CFAP99: variants seen among roughly 807,000 people sequenced by gnomAD.
The protein encoded by CFAP99 is cilia- and flagella-associated protein 99.
CFAP99 carries 84 observed loss-of-function variants against 82.7 expected under a neutral mutation model. The ratio of observed to expected loss-of-function variants is 1.02; its 90% CI spans 0.85 to 1.22. CFAP99 has a LOEUF of 1.22. CFAP99 is among the 50% of genes most tolerant of loss of function. CFAP99 has a pLI of 0.00. For missense variants in CFAP99, 1,059 were observed against 983.5 expected, an observed-to-expected ratio of 1.08 and a Z score of -1.03; for synonymous variants, 456 against 429.5, an observed-to-expected ratio of 1.06 and a Z score of -0.76.
rs1015676219 is a variant in CFAP99, at chr4:2,462,890, A to T, written c.2109A>T (p.Ser703=). 1 of 1,359,194 alleles carries T rather than the reference A, an allele frequency of 7.4e-7. No homozygotes were observed. Among genetic ancestry groups the T allele is most frequent in the Non-Finnish European group, 9.5e-7 (1 of 1,057,938 alleles). The allele number at this position is 1,359,194 out of a possible 1,614,324, so 84.2% of individuals were successfully genotyped here. ...TGCAGGCGCTGCAGCAGGGAGGCTCAGGACCCGGGCCCGCGCGCCGCCTGG... is the reference window on the plus strand; with the variant it reads ...TGCAGGCGCTGCAGCAGGGAGGCTCTGGACCCGGGCCCGCGCGCCGCCTGG... Residue 703 remains serine (S), a synonymous_variant, in exon 15 of 15, where the codon TCA becomes TCT. Coordinates refer to ENST00000635017, the Ensembl canonical transcript of CFAP99. The surrounding 1 kb of genome is among the most constrained non-coding windows in gnomAD (Gnocchi z 4.1).
exon 13 of CFAP99, chr4:2,459,197 C>T: frequency 6.5e-7 from 1 of 1,535,714 alleles, no homozygotes; most frequent in Non-Finnish European, 8.7e-7. Flanking sequence ...GAACTCATCT[C>T]CCAGCTGCGC....
exon 13 of CFAP99, chr4:2,459,230 G>C: frequency 2.0e-6 from 3 of 1,535,274 alleles, no homozygotes; most frequent in Non-Finnish European, 2.6e-6. Flanking sequence ...CAGCCCACGC[G>C]CAAGGGCAAG....
At position 2,433,061 on chromosome 4, in the gene CFAP99, G is replaced by A. The variant is rs186510019; in HGVS notation, c.112-3813G>A. Among the ~76,000 whole-genome samples, 384 of 151,328 alleles carry A rather than the reference G, an allele frequency of 2.5e-3. 1 individual carries two copies. Among genetic ancestry groups the A allele is most frequent in the African/African-American group, 7.7e-3 (320 of 41,400 alleles). Reference sequence around the variant, plus strand: ...GCCGCCAGCCCAGCATCAGTGGCAAGGACCTGGCCGTGGGCCCGGCCCAGC... The same window carrying A: ...GCCGCCAGCCCAGCATCAGTGGCAAAGACCTGGCCGTGGGCCCGGCCCAGC... On this transcript the variant is annotated intron_variant, in intron 2 of 14. Transcript: ENST00000635017.
At chr4:2,461,500 G>A (rs1352821569) in intron 14 of CFAP99, among the ~76,000 whole-genome samples, 1 of 152,178 alleles carries the variant, frequency 6.6e-6, no homozygotes, top group African/African-American at 2.4e-5. Flanking sequence ...GCTGTACAGG[G>A]CGGGCTGGCT....
intron 2 of CFAP99, among the ~76,000 whole-genome samples, chr4:2,430,053 A>G (rs1733768366): frequency 6.6e-6 from 1 of 152,030 alleles, no homozygotes; most frequent in African/African-American, 2.4e-5. Context: ...CCAGAAAATT[A>G]CGCAATACAT....
At chr4:2,429,781 CG>C (rs1187025655) in intron 2 of CFAP99, among the ~76,000 whole-genome samples, 1 of 152,064 alleles carries the variant, frequency 6.6e-6, no homozygotes, top group Non-Finnish European at 1.5e-5. Context: ...TTAGTAGAGA[CG>C]GGGTTTCACT....
chr4:2,436,053 A>G (rs956708881), intron 2 of CFAP99, among the ~76,000 whole-genome samples: 8 of 151,422 alleles, frequency 5.3e-5, no homozygotes, highest in Non-Finnish European at 8.8e-5. Flanking sequence ...AGCCTGGACG[A>G]CAGAGTGAGA....
intron 13 of CFAP99, 77 bp downstream of exon 13, chr4:2,459,335 G>T: frequency 6.9e-7 from 1 of 1,439,228 alleles, no homozygotes. Context: ...AGTTTCCAGG[G>T]TTCCCACCAG....
chr4:2,445,380 G>A (rs555979390), intron 6 of CFAP99, 72 bp downstream of exon 6: 20 of 1,225,584 alleles, frequency 1.6e-5, no homozygotes, highest in Non-Finnish European at 2.1e-5. Context: ...AGTGGACTGT[G>A]TGGGCCTGTG....
chr4:2,440,311 T>C (rs1178751702), intron 4 of CFAP99, among the ~76,000 whole-genome samples: 1 of 147,666 alleles, frequency 6.8e-6, no homozygotes, highest in Non-Finnish European at 1.5e-5. Flanking sequence ...TACGCCCGGC[T>C]AATTTTTTGT....
At position 2,447,502 on chromosome 4, in the gene CFAP99, T is replaced by C. The variant is rs141467959; in HGVS notation, c.643-2168T>C. On this transcript the variant is annotated intron_variant, in intron 6 of 14. Coordinates refer to ENST00000635017, the Ensembl canonical transcript of CFAP99. ...ATGGGTAAGTGAATGAATGGATGGG[T>C]GGGTAGATGGATGGATTAATGGATA... Among the ~76,000 whole-genome samples, 729 of 150,710 alleles carry C rather than the reference T, an allele frequency of 4.8e-3. 4 individuals are homozygous for C. The highest frequency in any genetic ancestry group is 0.031 in the Middle Eastern group (9 of 292).
Position 2,459,103 on chromosome 4 carries a change from C to T in CFAP99, c.1304-4C>T. On this transcript the variant is annotated splice_polypyrimidine_tract_variant and splice_region_variant and intron_variant, in intron 12 of 14. Coordinates refer to ENST00000635017, the Ensembl canonical transcript of CFAP99. ...CCACCTCAGCTCCTGGCTTGGCCCC[C>T]AAGTTCAGGAGGCGATCGAGGAGAG... 6.6e-7 allele frequency: 1 copy of T among 1,507,200 alleles called. No homozygotes were observed. The highest frequency in any genetic ancestry group is 8.8e-7 in the Non-Finnish European group (1 of 1,131,046). 93.4% of individuals were successfully genotyped at this position (1,507,200 alleles called of 1,614,324 possible).
chr4:2,429,597 T>TC (rs1733755999), intron 2 of CFAP99, among the ~76,000 whole-genome samples: 1 of 122,640 alleles, frequency 8.2e-6, no homozygotes, highest in African/African-American at 2.9e-5. Context: ...TTCTTTCTTT[T>TC]TTTTTTTTTT....
intron 2 of CFAP99, 84 bp from the exon 3 acceptor site, chr4:2,436,789 CT>C (rs762299321): frequency 1.7e-5 from 20 of 1,154,782 alleles, no homozygotes; most frequent in Middle Eastern, 2.7e-4. Context: ...CGCTCCACCC[CT>C]GCCTTTGCCC....
At chr4:2,452,220 G>A (rs1183649571) in exon 11 of CFAP99, 1 of 1,536,042 alleles carries the variant, frequency 6.5e-7, no homozygotes, top group Middle Eastern at 1.7e-4. Flanking sequence ...CGAAGGACCG[G>A]GAGGAGCAGC....
Position 2,448,668 on chromosome 4 carries a change from A to G in CFAP99, c.643-1002A>G, listed in dbSNP as rs931745481. ...CTGGGCAGGAGCAAGGTGCAGGCAAAGGCCCTGGGGCAGTGCCCACCCTCC... is the reference window on the plus strand; with the variant it reads ...CTGGGCAGGAGCAAGGTGCAGGCAAGGGCCCTGGGGCAGTGCCCACCCTCC... On this transcript the variant is annotated intron_variant, in intron 6 of 14. Coordinates refer to ENST00000635017, the Ensembl canonical transcript of CFAP99. The surrounding 1 kb of genome is among the most constrained non-coding windows in gnomAD (Gnocchi z 5.2). Among the ~76,000 whole-genome samples the G allele has an allele frequency of 6.6e-6, 1 of 152,232 alleles. No individual in the cohort carries two copies. Among genetic ancestry groups the G allele is most frequent in the African/African-American group, 2.4e-5 (1 of 41,462 alleles).
At chr4:2,454,581 C>CTTTTTTTTTTTTGTTTTTTTTTT (rs1459688913) in intron 11 of CFAP99, among the ~76,000 whole-genome samples, 2 of 94,716 alleles carry the variant, frequency 2.1e-5, no homozygotes, top group Non-Finnish European at 4.2e-5. Flanking sequence ...TGTTTTTTTT[C>CTTTTTTTTTTTTGTTTTTTTTTT]TTTTTTTTTT....
At chr4:2,459,552 C>T (rs530942906) in intron 13 of CFAP99, among the ~76,000 whole-genome samples, 14 of 152,272 alleles carry the variant, frequency 9.2e-5, no homozygotes, top group Admixed American at 6.5e-4. Context: ...TGAGGGAGGG[C>T]CAGGGTGGAA....
intron 13 of CFAP99, 103 bp downstream of exon 13, chr4:2,459,361 T>C: frequency 7.6e-7 from 1 of 1,314,940 alleles, no homozygotes; most frequent in East Asian, 2.6e-5. Flanking sequence ...CAGGTGGGTC[T>C]TGCACCACCT....
Sources: gnomAD v4.1 joint callset for allele counts (sites outside exome capture counted in the v4.1 genomes callset) on GRCh38, gnomAD v4.1.1 for gene constraint, Gnocchi (gnomAD v3.1) non-coding constraint, MANE v1.5 for transcripts, NCBI Gene and HGNC (gene_info 2026-07-23, HGNC 2026-07-21) for gene names.